Variants in RBMS3 observed in about 807,000 individuals in gnomAD.
RBMS3 encodes RNA binding motif single stranded interacting protein 3, also known as RNA-binding motif, single-stranded-interacting protein 3.
Under a neutral mutation model 66.8 loss-of-function variants are expected in RBMS3, and 27 were observed. That is an observed-to-expected ratio of 0.40 (90% CI 0.30 to 0.56). The LOEUF is 0.56. RBMS3 is among the 20% of genes least tolerant of loss of function. The pLI is 0.40. For missense variants in RBMS3, 513 were observed against 549.5 expected (o/e 0.93, Z 0.66); for synonymous variants, 188 against 183.0 (o/e 1.03, Z -0.22).
At chr3:29,324,604 T>C (rs1468371794) in intron 1 of RBMS3, among the ~76,000 whole-genome samples, 2 of 152,172 alleles carry the variant, frequency 1.3e-5, no homozygotes, top group African/African-American at 2.4e-5. Flanking sequence ...GTCACTTCCT[T>C]GTTATGCTCT....
intron 4 of RBMS3, among the ~76,000 whole-genome samples, chr3:29,722,005 T>C (rs968975380): frequency 4.6e-5 from 7 of 152,260 alleles, no homozygotes; most frequent in African/African-American, 1.7e-4. Flanking sequence ...AATTGTGCAA[T>C]ATTAGGAGAA....
chr3:29,461,070 A>C (rs1480914255), intron 2 of RBMS3, among the ~76,000 whole-genome samples: 1 of 152,126 alleles, frequency 6.6e-6, no homozygotes, highest in African/African-American at 2.4e-5. Flanking sequence ...TAGTTCACAA[A>C]TTTTACTCAC....
In RBMS3 at chr3:29,517,319, AT is replaced by A. The variant is rs140882570; in HGVS notation, c.307+28830del. ...TGTGTGTGTGTGTGTATATATATAT[AT>A]TTTTTTTTTGTTTTTTTTTTGAAAC... On this transcript the variant is annotated intron_variant, in intron 3 of 14. Coordinates refer to ENST00000383767, the MANE Select transcript of RBMS3 (RefSeq NM_001003793.3). Among the ~76,000 whole-genome samples the A allele has an allele frequency of 5.6e-3, 729 of 129,516 alleles. 8 individuals are homozygous for A. The highest frequency in any genetic ancestry group is 0.021 in the African/African-American group (663 of 31,686). 85.0% of individuals were successfully genotyped at this position (129,516 alleles called of 152,430 possible). A position where few individuals can be genotyped will look rare whatever the true frequency, so the allele number is the denominator to read the frequency against.
chr3:29,519,771 G>T (rs538666317), intron 3 of RBMS3, among the ~76,000 whole-genome samples: 23 of 152,192 alleles, frequency 1.5e-4, no homozygotes, highest in African/African-American at 5.5e-4. Flanking sequence ...AAACTGCCTT[G>T]TTATTATTAA....
chr3:29,444,420 T>A (rs1264302966), intron 2 of RBMS3, among the ~76,000 whole-genome samples: 1 of 152,014 alleles, frequency 6.6e-6, no homozygotes, highest in Non-Finnish European at 1.5e-5. Context: ...ACATAGGGAG[T>A]GTGTATAACA....
Position 29,315,611 on chromosome 3 carries a change from A to G in RBMS3, c.75+33855A>G, listed in dbSNP as rs148742238. 9.2e-5 allele frequency among the ~76,000 whole-genome samples: 14 copies of G among 151,880 alleles called. No individual in the cohort carries two copies. In the East Asian group the frequency reaches 2.5e-3, roughly 27 times the overall value. On this transcript the variant is annotated intron_variant, in intron 1 of 14. Coordinates refer to ENST00000383767, the MANE Select transcript of RBMS3 (RefSeq NM_001003793.3). ...TGTGAGAGAGAGCTTGTGGATCTACATAATTGTTTTATCAACTAGATGGTA... is the reference window on the plus strand; with the variant it reads ...TGTGAGAGAGAGCTTGTGGATCTACGTAATTGTTTTATCAACTAGATGGTA...
chr3:29,383,558 C>T (rs2125628272), intron 1 of RBMS3, among the ~76,000 whole-genome samples: 1 of 152,286 alleles, frequency 6.6e-6, no homozygotes, highest in East Asian at 1.9e-4. Flanking sequence ...CAGACTCAAA[C>T]TGTTGTATGT....
intron 3 of RBMS3, among the ~76,000 whole-genome samples, chr3:29,494,892 A>G (rs1325739273): frequency 1.3e-5 from 2 of 151,978 alleles, no homozygotes; most frequent in Admixed American, 6.6e-5. Context: ...CCTATTAACC[A>G]TAGGATATAA....
At chr3:29,408,074 C>A (rs908914071) in intron 1 of RBMS3, among the ~76,000 whole-genome samples, 3 of 151,678 alleles carry the variant, frequency 2.0e-5, no homozygotes, top group Non-Finnish European at 4.4e-5. Context: ...AGATCGAGAC[C>A]ATCCTGGCTA....
intron 1 of RBMS3, among the ~76,000 whole-genome samples, chr3:29,425,069 C>T (rs1208603654): frequency 1.3e-5 from 2 of 151,466 alleles, no homozygotes; most frequent in South Asian, 2.1e-4. Context: ...GGAGGCCAAG[C>T]GCGGTGTCTC....
At chr3:29,608,045 C>A (rs1453309906) in intron 4 of RBMS3, among the ~76,000 whole-genome samples, 1 of 151,836 alleles carries the variant, frequency 6.6e-6, no homozygotes, top group African/African-American at 2.4e-5. Flanking sequence ...AACATTTATT[C>A]TACTATGAAT....
chr3:29,642,055 G>C (rs2049736601), intron 4 of RBMS3, among the ~76,000 whole-genome samples: 1 of 152,062 alleles, frequency 6.6e-6, no homozygotes, highest in Non-Finnish European at 1.5e-5. Context: ...CTTGTTAAAA[G>C]CAATAACTGC....
intron 3 of RBMS3, among the ~76,000 whole-genome samples, chr3:29,584,541 C>T (rs1439385849): frequency 6.6e-6 from 1 of 152,102 alleles, no homozygotes; most frequent in East Asian, 1.9e-4. Context: ...TCTGACTCAA[C>T]ATGTCTCAGA....
intron 3 of RBMS3, among the ~76,000 whole-genome samples, chr3:29,498,284 T>G (rs1451042988): frequency 6.6e-6 from 1 of 151,950 alleles, no homozygotes; most frequent in Non-Finnish European, 1.5e-5. Context: ...CGTGAACCAC[T>G]GAGGCCGGCC....
At chr3:29,928,695 A>G (rs1227554475) in intron 10 of RBMS3, among the ~76,000 whole-genome samples, 1 of 152,128 alleles carries the variant, frequency 6.6e-6, no homozygotes, top group Non-Finnish European at 1.5e-5. Flanking sequence ...ATCAAATACC[A>G]CATTCTGGGG....
intron 11 of RBMS3, among the ~76,000 whole-genome samples, chr3:29,941,956 A>C (rs554044264): frequency 1.2e-3 from 181 of 151,974 alleles, no homozygotes; most frequent in Non-Finnish European, 1.0e-4. Flanking sequence ...TACCAGTTGG[A>C]TAGCAAGGTA....
rs1271718432 is a variant in RBMS3, at chr3:29,815,884, T to C, written c.637+52895T>C. On this transcript the variant is annotated intron_variant, in intron 6 of 14. Transcript: ENST00000383767. Reference sequence around the variant, plus strand: ...GCACCAAAATCTCAGAAATCACCACTGAAGAACTTATCCATGTAACCGAAA... The same window carrying C: ...GCACCAAAATCTCAGAAATCACCACCGAAGAACTTATCCATGTAACCGAAA... 4.6e-5 allele frequency among the ~76,000 whole-genome samples: 7 copies of C among 151,744 alleles called. No homozygotes were observed. In the East Asian group the frequency reaches 1.4e-3, roughly 30 times the overall value.
At chr3:29,787,543 G>A (rs1441805537) in intron 6 of RBMS3, among the ~76,000 whole-genome samples, 1 of 152,168 alleles carries the variant, frequency 6.6e-6, no homozygotes, top group Non-Finnish European at 1.5e-5. Context: ...CAATGCCATT[G>A]CAATTGCAGG....
At chr3:29,861,056 G>A (rs1329537713) in intron 6 of RBMS3, among the ~76,000 whole-genome samples, 1 of 151,944 alleles carries the variant, frequency 6.6e-6, no homozygotes, top group Non-Finnish European at 1.5e-5. Context: ...GTAGAGACGG[G>A]GTTTCACCGT....
Sources: allele counts gnomAD v4.1 joint callset (sites outside exome capture counted in the v4.1 genomes callset), GRCh38; gene constraint gnomAD v4.1.1; transcripts MANE v1.5; gene names NCBI Gene and HGNC (gene_info 2026-07-23, HGNC 2026-07-21).